The following FREM2 variants were observed in gnomAD, a reference collection of about 807,000 sequenced individuals.
FREM2 encodes the protein FRAS1-related extracellular matrix protein 2.
In FREM2, 119 loss-of-function variants were observed where a neutral mutation model predicts 219.9. The observed-to-expected ratio is 0.54, with a 90% CI of 0.47 to 0.63. FREM2 has a LOEUF of 0.63. Among genes scored for constraint, FREM2 ranks in the 30% least tolerant of loss-of-function variants. FREM2 has a pLI of 0.00. For synonymous variants in FREM2, 1,562 were observed against 1,522.8 expected, an observed-to-expected ratio of 1.03 and a Z score of -0.60; for missense variants, 4,030 against 3,993.6, an observed-to-expected ratio of 1.01 and a Z score of -0.25.
In FREM2 at chr13:38,874,502, A is replaced by T; in HGVS notation, c.8197A>T (p.Met2733Leu). 6.2e-7 allele frequency: 1 copy of T among 1,614,004 alleles called. No individual in the cohort carries two copies. The highest frequency in any genetic ancestry group is 8.5e-7 in the Non-Finnish European group (1 of 1,179,860). Reference sequence around the variant, plus strand: ...TATAGGTTCTCTCTATCCAACCAGCATGCGCATCGGTGATGAGGGGCGCTT... The same window carrying T: ...TATAGGTTCTCTCTATCCAACCAGCTTGCGCATCGGTGATGAGGGGCGCTT... ...ELQGSLYPTS[M>L]RIGDEGRLAV... is the part of the protein sequence containing the mutation. The change falls in exon 18 of 24, where the codon ATG becomes TTG. Residue 2733 changes from methionine to leucine, a missense_variant. Around this residue, in one of 2 missense-constraint regions of FREM2, gnomAD observed 928 missense variants for 1,042.9 expected, o/e 0.89. Transcript: ENST00000280481.
chr13:38,759,467 G>A (rs891418105), intron 2 of FREM2, among the ~76,000 whole-genome samples: 8 of 148,542 alleles, frequency 5.4e-5, no homozygotes, highest in Non-Finnish European at 8.9e-5. Flanking sequence ...AAAAAAAAAC[G>A]ACTGAGTTTG....
chr13:38,786,920 G>T (rs1874354682), intron 6 of FREM2, among the ~76,000 whole-genome samples: 1 of 152,058 alleles, frequency 6.6e-6, no homozygotes, highest in Non-Finnish European at 1.5e-5. Flanking sequence ...CAGTATCATG[G>T]CCCCCAAATC....
chr13:38,874,500 G>A lies in FREM2; in HGVS notation c.8195G>A (p.Ser2732Asn), dbSNP rs1878275198. 5 of 1,613,918 alleles carry A rather than the reference G, an allele frequency of 3.1e-6. No individual in the cohort carries two copies. The East Asian group carries it at 1.1e-4, about 36-fold the overall frequency. ...AELQGSLYPT[S>N]MRIGDEGRLA... ...ATTATAGGTTCTCTCTATCCAACCA[G>A]CATGCGCATCGGTGATGAGGGGCGC... is the stretch of plus-strand genomic sequence containing the variant. Residue 2732 changes from serine to asparagine, a missense_variant, in exon 18 of 24, where the codon AGC becomes AAC. Physicochemically the swap from Ser to Asn is conservative, Grantham distance 46. This residue lies in a region of FREM2 where 928 missense variants were observed against 1,042.9 expected (regional missense o/e 0.89). Coordinates refer to ENST00000280481, the MANE Select transcript of FREM2 (RefSeq NM_207361.6).
chr13:38,696,031 G>A (rs117445204), intron 1 of FREM2, among the ~76,000 whole-genome samples: 403 of 152,300 alleles, frequency 2.6e-3, no homozygotes, highest in Non-Finnish European at 4.8e-3. Context: ...TATGGGGCCT[G>A]GCTAGGTGGC....
chr13:38,845,292 G>T (rs958774038), intron 6 of FREM2, among the ~76,000 whole-genome samples: 3 of 152,172 alleles, frequency 2.0e-5, no homozygotes, highest in South Asian at 2.1e-4. Context: ...CTTTCCAAGT[G>T]GCTTTGTGAG....
intron 1 of FREM2, among the ~76,000 whole-genome samples, chr13:38,693,773 T>A (rs1175759921): frequency 6.6e-6 from 1 of 152,202 alleles, no homozygotes; most frequent in Non-Finnish European, 1.5e-5. Flanking sequence ...GTGGACTACT[T>A]CTCTGTTTGA....
chr13:38,806,343 C>T (rs1260837954), intron 6 of FREM2, among the ~76,000 whole-genome samples: 1 of 151,928 alleles, frequency 6.6e-6, no homozygotes, highest in African/African-American at 2.4e-5. Flanking sequence ...TTTGAGCTTC[C>T]TGAAGCTGGA....
At chr13:38,796,645 A>G (rs1435406643) in intron 6 of FREM2, among the ~76,000 whole-genome samples, 2 of 152,122 alleles carry the variant, frequency 1.3e-5, no homozygotes, top group East Asian at 1.9e-4. Context: ...ATAAGTATAC[A>G]TGATAGTTTC....
chr13:38,721,427 G>A (rs1008486638), intron 2 of FREM2, among the ~76,000 whole-genome samples: 2 of 152,106 alleles, frequency 1.3e-5, no homozygotes, highest in African/African-American at 2.4e-5. Flanking sequence ...GCATAGCCAC[G>A]GCAGAGGCAG....
At chr13:38,705,586 G>A (rs1870506040) in intron 2 of FREM2, among the ~76,000 whole-genome samples, 1 of 152,112 alleles carries the variant, frequency 6.6e-6, no homozygotes, top group Non-Finnish European at 1.5e-5. Context: ...CCAAGTGACC[G>A]AGACTTCCTC....
intron 6 of FREM2, among the ~76,000 whole-genome samples, chr13:38,786,291 C>T (rs1874326801): frequency 6.6e-6 from 1 of 152,162 alleles, no homozygotes; most frequent in South Asian, 2.1e-4. Context: ...GAATCCATAA[C>T]AACATCTGTG....
chr13:38,876,607 A>G (rs530159411), intron 20 of FREM2, among the ~76,000 whole-genome samples: 24 of 152,330 alleles, frequency 1.6e-4, no homozygotes, highest in African/African-American at 5.3e-4. Context: ...AATGTATGCA[A>G]TGGTTATTTT....
intron 2 of FREM2, among the ~76,000 whole-genome samples, chr13:38,759,144 A>C (rs1873132355): frequency 6.6e-6 from 1 of 152,248 alleles, no homozygotes. Flanking sequence ...GATTTAAAGG[A>C]CTACATCCAG....
intron 6 of FREM2, among the ~76,000 whole-genome samples, chr13:38,823,483 C>T (rs1340267111): frequency 6.6e-6 from 1 of 151,988 alleles, no homozygotes; most frequent in Non-Finnish European, 1.5e-5. Flanking sequence ...TTTCCTTGTT[C>T]ACCCCATCTC....
chr13:38,771,533 A>AAACAAAAC (rs1008793249), intron 4 of FREM2, among the ~76,000 whole-genome samples: 1 of 152,168 alleles, frequency 6.6e-6, no homozygotes, highest in Non-Finnish European at 1.5e-5. Context: ...AGGATATTAA[A>AAACAAAAC]AACAAAACAA....
chr13:38,726,942 GT>G (rs1279840472), intron 2 of FREM2, among the ~76,000 whole-genome samples: 1 of 152,184 alleles, frequency 6.6e-6, no homozygotes. Flanking sequence ...AAACTGCCAA[GT>G]TGCCAGGTAC....
At chr13:38,754,135 T>TA (rs1872887351) in intron 2 of FREM2, among the ~76,000 whole-genome samples, 1 of 152,140 alleles carries the variant, frequency 6.6e-6, no homozygotes. Flanking sequence ...ATTTTCCTTC[T>TA]AGCTTCCCTG....
chr13:38,694,184 G>T (rs1325102338), intron 1 of FREM2, among the ~76,000 whole-genome samples: 1 of 152,184 alleles, frequency 6.6e-6, no homozygotes, highest in Non-Finnish European at 1.5e-5. Context: ...TAAAAATTAT[G>T]CTATTTCATT....
chr13:38,855,073 A>G (rs1281616321), intron 11 of FREM2, among the ~76,000 whole-genome samples: 1 of 152,212 alleles, frequency 6.6e-6, no homozygotes, highest in East Asian at 1.9e-4. Flanking sequence ...TACGATTTCA[A>G]TAAAATCTGA....
Sources: allele counts gnomAD v4.1 joint callset (sites outside exome capture counted in the v4.1 genomes callset), GRCh38; gene constraint gnomAD v4.1.1; regional missense constraint gnomAD v4.1.1; transcripts MANE v1.5; gene names NCBI Gene and HGNC (gene_info 2026-07-23, HGNC 2026-07-21).